Variants in CCBE1 observed in about 807,000 individuals in gnomAD.
CCBE1 encodes collagen and calcium-binding EGF domain-containing protein 1.
A neutral mutation model predicts 50.0 loss-of-function variants in CCBE1; 37 were observed. That is an observed-to-expected ratio of 0.74 (90% CI 0.57 to 0.97). The LOEUF (loss-of-function observed/expected upper bound fraction) is 0.97. Ranked by LOEUF, CCBE1 falls within the 50% of genes least tolerant of loss-of-function variation. The pLI, the probability that CCBE1 is intolerant of heterozygous loss-of-function variation, is 0.00. For synonymous variants in CCBE1, 234 were observed against 203.7 expected (o/e 1.15, Z -1.27); for missense variants, 538 against 523.8 (o/e 1.03, Z -0.26).
At chr18:59,438,175 T>C (rs761131198) in intron 9 of CCBE1, 29 bp from the exon 10 acceptor site, 1 of 1,611,622 alleles carries the variant, frequency 6.2e-7, no homozygotes, top group East Asian at 2.2e-5. Flanking sequence ...GGGTTAGCTT[T>C]CTAGAGCACA....
chr18:59,485,333 G>A (rs1912765190), intron 2 of CCBE1, among the ~76,000 whole-genome samples: 1 of 152,000 alleles, frequency 6.6e-6, no homozygotes, highest in Non-Finnish European at 1.5e-5. Context: ...GCTTTTGGAA[G>A]GAAAAACTAC....
intron 7 of CCBE1, among the ~76,000 whole-genome samples, chr18:59,444,652 G>A (rs1182484358): frequency 6.6e-6 from 1 of 151,674 alleles, no homozygotes; most frequent in Non-Finnish European, 1.5e-5. Context: ...TGAGTAGCTG[G>A]GACTATAGCC....
intron 2 of CCBE1, among the ~76,000 whole-genome samples, chr18:59,529,730 G>A (rs544968337): frequency 6.6e-6 from 1 of 152,152 alleles, no homozygotes; most frequent in South Asian, 2.1e-4. Context: ...TGCTGGTGCA[G>A]GATTCACTCA....
At chr18:59,650,993 G>T (rs2054119834) in intron 2 of CCBE1, among the ~76,000 whole-genome samples, 1 of 152,026 alleles carries the variant, frequency 6.6e-6, no homozygotes, top group African/African-American at 2.4e-5. Flanking sequence ...ATCACTTAGG[G>T]GTCAAGGTAA....
At chr18:59,594,986 C>T (rs2053330273) in intron 2 of CCBE1, among the ~76,000 whole-genome samples, 1 of 151,994 alleles carries the variant, frequency 6.6e-6, no homozygotes, top group African/African-American at 2.4e-5. Context: ...GTGGCATGTA[C>T]TTGTAGTCCC....
chr18:59,668,894 G>A (rs543402467), intron 2 of CCBE1, among the ~76,000 whole-genome samples: 11 of 136,538 alleles, frequency 8.1e-5, no homozygotes, highest in Non-Finnish European at 1.4e-4. Context: ...ATGTGATCTC[G>A]GCTCACTGCA....
chr18:59,595,104 G>T (rs2144545844), intron 2 of CCBE1, among the ~76,000 whole-genome samples: 1 of 128,830 alleles, frequency 7.8e-6, no homozygotes, highest in African/African-American at 3.8e-5. Context: ...AACAGAGCGA[G>T]ACTCTGTCTC....
intron 2 of CCBE1, among the ~76,000 whole-genome samples, chr18:59,652,963 C>CAA (rs34300816): frequency 0.033 from 4,895 of 148,590 alleles, 167 homozygotes; most frequent in African/African-American, 0.088. Context: ...GACTCCGTCT[C>CAA]AAAAAAAAAA....
At chr18:59,484,638 G>T (rs936207888) in intron 2 of CCBE1, among the ~76,000 whole-genome samples, 1 of 152,212 alleles carries the variant, frequency 6.6e-6, no homozygotes, top group Non-Finnish European at 1.5e-5. Flanking sequence ...ATCAAGAGAA[G>T]ATCTGAGTTT....
intron 5 of CCBE1, among the ~76,000 whole-genome samples, chr18:59,456,481 G>A (rs1911200088): frequency 6.6e-6 from 1 of 152,198 alleles, no homozygotes. Flanking sequence ...GCAGAGGTGA[G>A]AGGCAGTGGA....
intron 2 of CCBE1, among the ~76,000 whole-genome samples, chr18:59,683,063 G>GAT (rs1214597135): frequency 2.0e-5 from 3 of 152,140 alleles, no homozygotes; most frequent in Non-Finnish European, 2.9e-5. Context: ...TAGAAAAAGT[G>GAT]ATATATATTT....
chr18:59,575,874 G>C (rs1006579055), intron 2 of CCBE1, among the ~76,000 whole-genome samples: 2 of 152,164 alleles, frequency 1.3e-5, no homozygotes, highest in African/African-American at 4.8e-5. Flanking sequence ...TGCTGGAATC[G>C]ATAAGTATAC....
chr18:59,669,194 A>G (rs59235161), intron 2 of CCBE1, among the ~76,000 whole-genome samples: 1,589 of 152,236 alleles, frequency 0.01, 38 homozygotes, highest in African/African-American at 0.037. Context: ...ATTTTCCAAT[A>G]TGGTATCACC....
At chr18:59,490,741 G>A (rs934690786) in intron 2 of CCBE1, among the ~76,000 whole-genome samples, 5 of 152,214 alleles carry the variant, frequency 3.3e-5, no homozygotes, top group Admixed American at 3.3e-4. Context: ...TAATTATTAA[G>A]AAACTGCTTT....
intron 2 of CCBE1, among the ~76,000 whole-genome samples, chr18:59,553,171 T>C (rs1157225308): frequency 6.6e-6 from 1 of 152,208 alleles, no homozygotes; most frequent in Non-Finnish European, 1.5e-5. Context: ...TGACATAATT[T>C]TAAGAAGTCC....
chr18:59,554,438 G>A (rs1004676546), intron 2 of CCBE1, among the ~76,000 whole-genome samples: 6 of 152,116 alleles, frequency 3.9e-5, no homozygotes, highest in Non-Finnish European at 7.4e-5. Flanking sequence ...CTACATGATG[G>A]TATGACTTAA....
At chr18:59,561,430 G>C (rs934132160) in intron 2 of CCBE1, among the ~76,000 whole-genome samples, 1 of 152,086 alleles carries the variant, frequency 6.6e-6, no homozygotes, top group Non-Finnish European at 1.5e-5. Context: ...GACGTGCTTT[G>C]GTCAAGGAAT....
chr18:59,527,088 T>C (rs551874939), intron 2 of CCBE1, among the ~76,000 whole-genome samples: 2 of 152,334 alleles, frequency 1.3e-5, no homozygotes, highest in African/African-American at 4.8e-5. Context: ...TGATCTAATA[T>C]TGACAGTGGG....
At chr18:59,622,101 T>C (rs1436109503) in intron 2 of CCBE1, among the ~76,000 whole-genome samples, 1 of 152,222 alleles carries the variant, frequency 6.6e-6, no homozygotes, top group Admixed American at 6.5e-5. Context: ...CTTTTCTGCA[T>C]CTGCTCACCC....
Sources: gnomAD v4.1 joint callset for allele counts (sites outside exome capture counted in the v4.1 genomes callset) on GRCh38, gnomAD v4.1.1 for gene constraint, MANE v1.5 for transcripts, NCBI Gene and HGNC (gene_info 2026-07-23, HGNC 2026-07-21) for gene names.